The following EPHA10 variants were observed in gnomAD, a reference collection of about 807,000 sequenced individuals.
The protein encoded by EPHA10 is ephrin type-A receptor 10.
In EPHA10, 120 loss-of-function variants were observed where a neutral mutation model predicts 109.7. The observed-to-expected ratio is 1.09, with a 90% CI of 0.94 to 1.27. The LOEUF (loss-of-function observed/expected upper bound fraction) is 1.27. Ranked by LOEUF, EPHA10 falls within the 50% of genes most tolerant of loss-of-function variation. The pLI is 0.00. For missense variants in EPHA10, 1,396 were observed against 1,411.1 expected, an observed-to-expected ratio of 0.99 and a Z score of 0.17; for synonymous variants, 640 against 618.9, an observed-to-expected ratio of 1.03 and a Z score of -0.51.
rs1162344610 is a variant in EPHA10 at position 37,727,090 on chromosome 1, C to T, written c.1772+12G>A. ...CCACCAGGAGTCACCTAGGCTGGGG[C>T]CAGCCACCTACCTCCTCCAAATGGC... On this transcript the variant is annotated intron_variant, in intron 8 of 16. Transcript: ENST00000373048. 1 of 1,602,654 alleles carries T rather than the reference C, an allele frequency of 6.2e-7. No homozygotes were observed. Among genetic ancestry groups the T allele is most frequent in the Non-Finnish European group, 8.5e-7 (1 of 1,173,662 alleles).
chr1:37,763,093 T>A (rs1431765361), intron 1 of EPHA10, among the ~76,000 whole-genome samples: 2 of 152,206 alleles, frequency 1.3e-5, no homozygotes, highest in Non-Finnish European at 2.9e-5. Flanking sequence ...CTGTAACATA[T>A]TACCACAAAT....
At position 37,727,223 on chromosome 1, in the gene EPHA10, T is replaced by A; in HGVS notation, c.1664-13A>T. The A allele has an allele frequency of 1.3e-6, 2 of 1,589,486 alleles. No homozygotes were observed. Among genetic ancestry groups the A allele is most frequent in the Non-Finnish European group, 1.7e-6 (2 of 1,166,854 alleles). ...GACCCTGAGGCAGCTGGGAGGAAAA[T>A]CACGAGGTTGAGGCAGGCAGAGGAC... On this transcript the variant is annotated splice_polypyrimidine_tract_variant and intron_variant, in intron 7 of 16. Transcript: ENST00000373048.
rs142355365 is a variant in EPHA10 at position 37,717,601 on chromosome 1, C to G, written c.*771G>C. 1.4e-4 allele frequency: 32 copies of G among 231,796 alleles called. No individual in the cohort carries two copies. Among genetic ancestry groups the G allele is most frequent in the African/African-American group, 6.4e-4 (29 of 45,360 alleles). The allele number at this position is 231,796 out of a possible 1,614,324, so 14.4% of individuals were successfully genotyped here. A position where few individuals can be genotyped will look rare whatever the true frequency, so the allele number is the denominator to read the frequency against. ...GGCCCTTTATGCTTTTCCCAGATGT[C>G]CTGGCCACTAAGTTCATAAAAGGAA... On this transcript the variant is annotated 3_prime_UTR_variant, in exon 17 of 17. Coordinates refer to ENST00000373048, the MANE Select transcript of EPHA10 (RefSeq NM_001099439.2).
At chr1:37,745,860 A>C (rs1646232586) in intron 5 of EPHA10, among the ~76,000 whole-genome samples, 3 of 151,952 alleles carry the variant, frequency 2.0e-5, no homozygotes, top group Admixed American at 2.0e-4. Flanking sequence ...AAAATACATA[A>C]ATAAATAACA....
chr1:37,741,911 C>G (rs1209787194), intron 5 of EPHA10, among the ~76,000 whole-genome samples: 1 of 152,118 alleles, frequency 6.6e-6, no homozygotes, highest in African/African-American at 2.4e-5. Flanking sequence ...CAGAAAAGGC[C>G]TGAGCACAAA....
rs1382693841 is a variant in EPHA10 at position 37,735,286 on chromosome 1, T to G, written c.1462A>C (p.Thr488Pro). 6.4e-7 allele frequency: 1 copy of G among 1,563,534 alleles called. No individual in the cohort carries two copies. Among genetic ancestry groups the G allele is most frequent in the Non-Finnish European group, 8.7e-7 (1 of 1,154,050 alleles). ...IPAGAPGAND[T>P]EYEIRYYEKG... ...TCGTAGTATCGGATCTCGTACTCCG[T>G]GTCATTGGCCCCAGGGGCTCCGGCA... Residue 488 changes from threonine (T) to proline (P), a missense_variant, in exon 6 of 17, where the codon ACG becomes CCG. Thr to Pro is a conservative substitution (Grantham distance 38). Transcript: ENST00000373048.
At chr1:37,721,527 G>C in intron 11 of EPHA10, 133 bp downstream of exon 11, 1 of 926,042 alleles carries the variant, frequency 1.1e-6, no homozygotes. Flanking sequence ...GAAAGCTGAG[G>C]TCCCTGGCTG....
At chr1:37,743,064 C>G (rs928241161) in intron 5 of EPHA10, among the ~76,000 whole-genome samples, 1 of 151,940 alleles carries the variant, frequency 6.6e-6, no homozygotes, top group African/African-American at 2.4e-5. Flanking sequence ...TTACTTGCAG[C>G]TGAAAACCTC....
At chr1:37,733,113 G>A (rs148543196) in intron 6 of EPHA10, among the ~76,000 whole-genome samples, 1,880 of 151,208 alleles carry the variant, frequency 0.012, 32 homozygotes, top group African/African-American at 0.043. Flanking sequence ...GGCTGGTCTC[G>A]AACTCCTGAC....
rs759710427 is a variant in EPHA10 at position 37,723,092 on chromosome 1, C to A, written c.1909G>T (p.Ala637Ser). ...ACGCTTTTCGCATCCAGTTCCTTGG[C>A]GAACAGATGCACAGCCTGCAGCAGG... Reference protein sequence around the residue: ...GDLLQAVHLFAKELDAKSVTL... With the variant: ...GDLLQAVHLFSKELDAKSVTL... Residue 637 changes from alanine to serine, a missense_variant, in exon 10 of 17, where the codon GCC becomes TCC. Coordinates refer to ENST00000373048, the MANE Select transcript of EPHA10 (RefSeq NM_001099439.2). The A allele has an allele frequency of 8.7e-6, 14 of 1,614,082 alleles. No homozygotes were observed. Among genetic ancestry groups the A allele is most frequent in the Non-Finnish European group, 1.1e-5 (13 of 1,180,054 alleles).
chr1:37,746,848 G>A (rs942406736), intron 5 of EPHA10, among the ~76,000 whole-genome samples: 4 of 152,208 alleles, frequency 2.6e-5, no homozygotes, highest in African/African-American at 7.2e-5. Flanking sequence ...ATTATGCTAA[G>A]TGAGAGAAGC....
At chr1:37,757,001 T>G (rs1176114989) in intron 3 of EPHA10, among the ~76,000 whole-genome samples, 1 of 152,104 alleles carries the variant, frequency 6.6e-6, no homozygotes, top group Admixed American at 6.6e-5. Flanking sequence ...GGCTAATTTT[T>G]TGTGTGTGGA....
chr1:37,738,409 T>C (rs1646103067), intron 5 of EPHA10, among the ~76,000 whole-genome samples: 2 of 152,142 alleles, frequency 1.3e-5, no homozygotes, highest in Admixed American at 6.5e-5. Context: ...CATGAAAAGA[T>C]GCTTAATATC....
In EPHA10 at chr1:37,738,451, A is replaced by T. The variant is rs141358417; in HGVS notation, c.1358-3061T>A. 7.2e-5 allele frequency among the ~76,000 whole-genome samples: 11 copies of T among 152,300 alleles called. No individual in the cohort carries two copies. In the East Asian group the frequency reaches 1.9e-3, roughly 27 times the overall value. Reference sequence around the variant, plus strand: ...CATCAGGGAAATCAAAATCAAAATCACAATGAGATATCACCTCACACCCTT... The same window carrying T: ...CATCAGGGAAATCAAAATCAAAATCTCAATGAGATATCACCTCACACCCTT... On this transcript the variant is annotated intron_variant, in intron 5 of 16. Coordinates refer to ENST00000373048, the MANE Select transcript of EPHA10 (RefSeq NM_001099439.2).
chr1:37,762,187 C>G, intron 2 of EPHA10, 104 bp from the exon 3 acceptor site: 2 of 1,112,926 alleles, frequency 1.8e-6, no homozygotes, highest in Non-Finnish European at 2.5e-6. Context: ...CCATGCACAC[C>G]CCGGAAATTG....
At chr1:37,719,052 G>A in intron 15 of EPHA10, 1 of 616,038 alleles carries the variant, frequency 1.6e-6, no homozygotes, top group South Asian at 2.0e-5. Flanking sequence ...ATCCGGAACA[G>A]TCTGGGGTAG....
chr1:37,723,206 A>C, intron 9 of EPHA10, 40 bp from the exon 10 acceptor site: 3 of 1,606,610 alleles, frequency 1.9e-6, no homozygotes, highest in Non-Finnish European at 2.6e-6. Flanking sequence ...TGGGGCCTCC[A>C]CCACTGGGGC....
rs756216586 is a variant in EPHA10 at position 37,719,630 on chromosome 1, A to C, written c.2563-23T>G. The stretch of plus-strand genomic sequence containing the variant: ...CACCTGGGCCACAGGGGTGGGGAGC[A>C]GAGAGGAGGCTCTGGGTTTCCCCAG... On this transcript the variant is annotated intron_variant, in intron 14 of 16. Transcript: ENST00000373048. 3.1e-6 allele frequency: 5 copies of C among 1,611,464 alleles called. No homozygotes were observed. In the Admixed American group the frequency reaches 8.3e-5, roughly 27 times the overall value.
At chr1:37,735,485 C>T in intron 5 of EPHA10, 95 bp from the exon 6 acceptor site, 2 of 1,452,400 alleles carry the variant, frequency 1.4e-6, no homozygotes, top group South Asian at 2.7e-5. Flanking sequence ...GGCTGTGGGA[C>T]CGGACTAGAG....
Sources: gnomAD v4.1 joint callset for allele counts (sites outside exome capture counted in the v4.1 genomes callset) on GRCh38, gnomAD v4.1.1 for gene constraint, MANE v1.5 for transcripts, NCBI Gene and HGNC (gene_info 2026-07-23, HGNC 2026-07-21) for gene names.